Variants in LONRF3 observed in about 807,000 individuals in gnomAD.
LONRF3 encodes LON peptidase N-terminal domain and ring finger 3, also known as LON peptidase N-terminal domain and RING finger protein 3.
LONRF3 carries 19 observed loss-of-function variants against 51.7 expected under a neutral mutation model. The ratio of observed to expected loss-of-function variants is 0.37; its 90% confidence interval spans 0.26 to 0.54. LONRF3 has a LOEUF of 0.54. Ranked by LOEUF, LONRF3 falls within the 20% of genes least tolerant of loss-of-function variation. The probability of loss-of-function intolerance (pLI) is 0.86; values close to 1 mark genes in which losing one functional copy is unlikely to be tolerated. For synonymous variants in LONRF3, 265 were observed against 257.8 expected (o/e 1.03, Z -0.27); for missense variants, 521 against 623.9 (o/e 0.84, Z 1.76).
chrX:119,017,592 A>G lies in LONRF3; in HGVS notation c.2182A>G (p.Ser728Gly), dbSNP rs1925545160. The G allele has an allele frequency of 8.3e-7, 1 of 1,209,074 alleles. No individual in the cohort carries two copies. Among genetic ancestry groups the G allele is most frequent in the African/African-American group, 1.8e-5 (1 of 57,047 alleles). The change falls in exon 11 of 11, where the codon AGC becomes GGC. Residue 728 changes from serine to glycine, a missense_variant. Ser to Gly is a moderately conservative substitution (Grantham distance 56). Around this residue, in one of 2 missense-constraint regions of LONRF3, gnomAD observed 145 missense variants for 247.2 expected, o/e 0.59. Transcript: ENST00000371628. ...GATGTTAGCAGTTCTTCCCTTGGAA[A>G]GCCGAGCTCAGCTCCCCTTCCTAGC... is the stretch of plus-strand genomic sequence containing the variant. ...WWMLAVLPLE[S>G]RAQLPFLAMR...
chrX:118,989,653 T>C lies in LONRF3; in HGVS notation c.1305T>C (p.Pro435=). 8.3e-7 allele frequency: 1 copy of C among 1,209,502 alleles called. No homozygotes were observed. The highest frequency in any genetic ancestry group is 1.1e-6 in the Non-Finnish European group (1 of 894,593). ...QIESQEETGM[P]NKASKQDPPT... ...AATCCCAAGAAGAAACGGGGATGCC[T>C]AATAAAGCCTCCAAGCAAGGTACTG... The change falls in exon 4 of 11, where the codon CCT becomes CCC. Residue 435 remains proline (P), a synonymous_variant. Transcript: ENST00000371628.
Position 118,982,861 on chromosome X carries a change from A to G in LONRF3, c.977A>G (p.Lys326Arg), listed in dbSNP as rs757588936. ...RKAQALATLG[K>R]VEEALREFLY... ...GCCCAAGCCTTAGCCACCCTAGGCA[A>G]GGTGGAGGAGGCACTAAGGGAGTTT... is the stretch of plus-strand genomic sequence containing the variant. The change falls in exon 3 of 11, where the codon AAG (lysine) becomes AGG (arginine). Residue 326 changes from lysine to arginine, a missense_variant. Physicochemically the swap from Lys to Arg is conservative, Grantham distance 26. Coordinates refer to ENST00000371628, the MANE Select transcript of LONRF3 (RefSeq NM_001031855.3). 5 of 1,210,424 alleles carry G rather than the reference A, an allele frequency of 4.1e-6. No individual in the cohort carries two copies. In the South Asian group the frequency reaches 8.8e-5, roughly 21 times the overall value.
intron 1 of LONRF3, among the ~76,000 whole-genome samples, chrX:118,977,793 T>G (rs888726954): frequency 8.9e-6 from 1 of 112,520 alleles, no homozygotes; most frequent in South Asian, 3.7e-4. Context: ...TTTGGCCATT[T>G]GAAATGAGAG....
chrX:118,977,472 G>C (rs1922178976), intron 1 of LONRF3, among the ~76,000 whole-genome samples: 1 of 112,425 alleles, frequency 8.9e-6, no homozygotes, highest in African/African-American at 3.2e-5. Context: ...GAGGCTCTCT[G>C]TTCTGGAAGA....
At chrX:119,006,885 G>A (rs1447195123) in intron 6 of LONRF3, among the ~76,000 whole-genome samples, 2 of 111,188 alleles carry the variant, frequency 1.8e-5, no homozygotes, top group East Asian at 5.7e-4. Context: ...ACCACGCCCG[G>A]CCTAATTTTT....
intron 6 of LONRF3, 118 bp downstream of exon 6, chrX:119,006,353 T>G: frequency 2.4e-6 from 1 of 415,018 alleles, no homozygotes. Context: ...CACGGCACTG[T>G]GGTAGGGCAC....
At chrX:119,003,980 C>T (rs1000742082) in intron 5 of LONRF3, among the ~76,000 whole-genome samples, 3 of 110,756 alleles carry the variant, frequency 2.7e-5, no homozygotes, top group Non-Finnish European at 3.8e-5. Context: ...TGTGTGTGCA[C>T]GTGTGTGTGT....
Position 119,017,708 on chromosome X carries a change from A to C in LONRF3, c.*18A>C. ...AAAACTAGTGAGTGGATTGCCGAAG[A>C]GGAGCTCCCACCTTCCCCACTGCCG... On this transcript the variant is annotated 3_prime_UTR_variant, in exon 11 of 11. Coordinates refer to ENST00000371628, the MANE Select transcript of LONRF3 (RefSeq NM_001031855.3). The C allele has an allele frequency of 8.6e-7, 1 of 1,168,123 alleles. No homozygotes were observed. Among genetic ancestry groups the C allele is most frequent in the Non-Finnish European group, 1.1e-6 (1 of 871,282 alleles).
intron 5 of LONRF3, among the ~76,000 whole-genome samples, chrX:119,001,708 C>T (rs1340716417): frequency 1.8e-5 from 2 of 112,541 alleles, no homozygotes; most frequent in African/African-American, 6.5e-5. Flanking sequence ...TTTGCTACCA[C>T]TCAGTCAGGG....
At chrX:118,976,131 C>A (rs1310512674) in intron 1 of LONRF3, among the ~76,000 whole-genome samples, 2 of 113,038 alleles carry the variant, frequency 1.8e-5, no homozygotes, top group African/African-American at 6.4e-5. Flanking sequence ...CCTGCGTCCG[C>A]CGCTCGCGCC....
chrX:118,992,335 C>T (rs140458588), intron 5 of LONRF3, among the ~76,000 whole-genome samples: 2,450 of 111,550 alleles, frequency 0.022, 56 homozygotes, highest in East Asian at 0.13. Flanking sequence ...GGGGAGGGCA[C>T]GGTGGAAGTG....
At chrX:118,982,670 T>A in intron 2 of LONRF3, 151 bp from the exon 3 acceptor site, 2 of 711,651 alleles carry the variant, frequency 2.8e-6, no homozygotes, top group Admixed American at 6.0e-5. Context: ...TATAATGGCA[T>A]TAGAACAGTT....
chrX:118,981,824 G>A (rs952024297), intron 2 of LONRF3, among the ~76,000 whole-genome samples: 13 of 112,239 alleles, frequency 1.2e-4, no homozygotes, highest in Non-Finnish European at 1.9e-4. Flanking sequence ...AAAGAGGCAT[G>A]TTAGAAAGGG....
At chrX:118,996,782 C>T (rs1479251023) in intron 5 of LONRF3, among the ~76,000 whole-genome samples, 13 of 109,506 alleles carry the variant, frequency 1.2e-4, no homozygotes, top group African/African-American at 1.0e-4. Flanking sequence ...ATTAGCCGGG[C>T]GTGGTGGCAT....
Position 118,978,420 on chromosome X carries a change from A to G in LONRF3, c.893A>G (p.His298Arg), listed in dbSNP as rs1242919681. The G allele has an allele frequency of 2.2e-5, 26 of 1,205,225 alleles. No individual in the cohort carries two copies. The highest frequency in any genetic ancestry group is 3.5e-5 in the African/African-American group (2 of 56,944). The change falls in exon 2 of 11, where the codon CAT (histidine) becomes CGT (arginine). Residue 298 changes from histidine to arginine, a missense_variant. Physicochemically the swap from His to Arg is conservative, Grantham distance 29. This residue lies in a region of LONRF3 where 376 missense variants were observed against 376.7 expected (regional missense o/e 1.00). Transcript: ENST00000371628. ...TTGGAGTCTCATGAGAATGCACTGC[A>G]TGATGCAGAAATAGCATGTAAGCTC... The part of the protein sequence containing the change: ...FTLESHENAL[H>R]DAEIACKLRP...
chrX:118,988,623 A>T (rs1233733611), intron 3 of LONRF3, among the ~76,000 whole-genome samples: 2 of 111,078 alleles, frequency 1.8e-5, no homozygotes, highest in Non-Finnish European at 3.8e-5. Flanking sequence ...CAACACGATG[A>T]GTATCTTGAC....
intron 7 of LONRF3, among the ~76,000 whole-genome samples, chrX:119,009,808 C>T (rs776970590): frequency 9.0e-6 from 1 of 111,160 alleles, no homozygotes; most frequent in East Asian, 2.8e-4. Flanking sequence ...CTCACTCTGT[C>T]ACCCAAGCTG....
chrX:118,975,365 C>T lies in LONRF3; in HGVS notation c.585C>T (p.Cys195=). Reference sequence around the variant, plus strand: ...CCGCCGACCGGCGCTGTGCGCTGTGCGGGGTCAAGCTCTCCGCCTTGATGG... The same window carrying T: ...CCGCCGACCGGCGCTGTGCGCTGTGTGGGGTCAAGCTCTCCGCCTTGATGG... ...GRAADRRCAL[C]GVKLSALMVA... is the part of the protein sequence containing the mutation. The change falls in exon 1 of 11, where the codon TGC becomes TGT. Residue 195 remains cysteine (C), a synonymous_variant. Coordinates refer to ENST00000371628, the MANE Select transcript of LONRF3 (RefSeq NM_001031855.3). 1 of 1,208,355 alleles carries T rather than the reference C, an allele frequency of 8.3e-7. No homozygotes were observed. Among genetic ancestry groups the T allele is most frequent in the Non-Finnish European group, 1.1e-6 (1 of 894,226 alleles).
At chrX:118,984,407 T>C (rs1380587533) in intron 3 of LONRF3, among the ~76,000 whole-genome samples, 1 of 112,077 alleles carries the variant, frequency 8.9e-6, no homozygotes, top group Non-Finnish European at 1.9e-5. Flanking sequence ...AAACTTATCT[T>C]TGGGGACGGA....
Sources: allele counts gnomAD v4.1 joint callset (sites outside exome capture counted in the v4.1 genomes callset), GRCh38; gene constraint gnomAD v4.1.1; regional missense constraint gnomAD v4.1.1; transcripts MANE v1.5; gene names NCBI Gene and HGNC (gene_info 2026-07-23, HGNC 2026-07-21).